The following LRMDA variants were observed in gnomAD, a reference collection of about 807,000 sequenced individuals.
LRMDA encodes the protein leucine-rich melanocyte differentiation-associated protein.
A neutral mutation model predicts 29.8 loss-of-function variants in LRMDA; 18 were observed. That is an observed-to-expected ratio of 0.60 (90% CI 0.42 to 0.90). The LOEUF is 0.90. Among genes scored for constraint, LRMDA ranks in the 40% least tolerant of loss-of-function variants. LRMDA has a pLI of 0.00. For missense variants in LRMDA, 273 were observed against 273.9 expected, an observed-to-expected ratio of 1.00 and a Z score of 0.02; for synonymous variants, 125 against 109.4, an observed-to-expected ratio of 1.14 and a Z score of -0.89.
chr10:76,057,250 A>G (rs531573507), intron 4 of LRMDA, among the ~76,000 whole-genome samples: 15 of 152,306 alleles, frequency 9.8e-5, no homozygotes, highest in African/African-American at 3.6e-4. Flanking sequence ...AGCTATGCTT[A>G]TTCCTAATTT....
chr10:75,916,756 G>A (rs1360194169), intron 2 of LRMDA, among the ~76,000 whole-genome samples: 2 of 152,194 alleles, frequency 1.3e-5, no homozygotes, highest in Middle Eastern at 3.2e-3. Flanking sequence ...GCGAAAACAC[G>A]CTGGTGATTA....
chr10:76,315,474 G>A (rs578228305), intron 5 of LRMDA, among the ~76,000 whole-genome samples: 1 of 152,350 alleles, frequency 6.6e-6, no homozygotes, highest in African/African-American at 2.4e-5. Flanking sequence ...CCACTCCAGT[G>A]CAGAGCAAAG....
chr10:76,463,824 C>T (rs1220236753), intron 6 of LRMDA, among the ~76,000 whole-genome samples: 14 of 151,896 alleles, frequency 9.2e-5, no homozygotes, highest in Non-Finnish European at 5.9e-5. Context: ...AGGATGTGAA[C>T]GCTGCAAGAG....
At chr10:76,524,051 G>C (rs1276332295) in intron 6 of LRMDA, among the ~76,000 whole-genome samples, 1 of 152,218 alleles carries the variant, frequency 6.6e-6, no homozygotes, top group African/African-American at 2.4e-5. Context: ...CCATTTAAAA[G>C]TTTAATCAAT....
chr10:76,165,048 C>T (rs1025675918), intron 5 of LRMDA, among the ~76,000 whole-genome samples: 4 of 152,254 alleles, frequency 2.6e-5, no homozygotes, highest in African/African-American at 9.6e-5. Flanking sequence ...TCTTGTTTCA[C>T]TGCAAACTCT....
At chr10:76,050,911 C>T (rs1350337807) in intron 4 of LRMDA, among the ~76,000 whole-genome samples, 1 of 152,232 alleles carries the variant, frequency 6.6e-6, no homozygotes, top group Non-Finnish European at 1.5e-5. Flanking sequence ...TCTTTTAGCT[C>T]TTCCTCTGTC....
rs536687042 is a variant in LRMDA, at chr10:76,557,359, C to T, written c.*71C>T. 37 of 1,304,736 alleles carry T rather than the reference C, an allele frequency of 2.8e-5. No homozygotes were observed. The highest frequency in any genetic ancestry group is 2.2e-4 in the African/African-American group (15 of 68,000). The allele number at this position is 1,304,736 out of a possible 1,614,324, so 80.8% of individuals were successfully genotyped here. A position where few individuals can be genotyped will look rare whatever the true frequency, so the allele number is the denominator to read the frequency against. ...AAAGGGAAATCAAAAATAAAGAAAACGCTAAAGAAAAAACAATAGCCCACA... is the reference window on the plus strand; with the variant it reads ...AAAGGGAAATCAAAAATAAAGAAAATGCTAAAGAAAAAACAATAGCCCACA... On this transcript the variant is annotated 3_prime_UTR_variant, in exon 7 of 7. Transcript: ENST00000611255.
intron 2 of LRMDA, among the ~76,000 whole-genome samples, chr10:75,531,079 G>A (rs937755190): frequency 3.3e-5 from 5 of 152,172 alleles, no homozygotes; most frequent in Non-Finnish European, 5.9e-5. Flanking sequence ...CTCTTTCACT[G>A]GGCATGTCTC....
intron 5 of LRMDA, among the ~76,000 whole-genome samples, chr10:76,175,257 G>A (rs1217164216): frequency 6.6e-6 from 1 of 152,218 alleles, no homozygotes; most frequent in Admixed American, 6.5e-5. Flanking sequence ...TTTAAGAGCT[G>A]TGGGTCTGGA....
intron 5 of LRMDA, among the ~76,000 whole-genome samples, chr10:76,263,198 CAAACTTGT>C (rs1839964820): frequency 6.6e-6 from 1 of 152,080 alleles, no homozygotes; most frequent in Non-Finnish European, 1.5e-5. Context: ...GATTCCAAGG[CAAACTTGT>C]TTCTGATGAA....
chr10:76,316,821 A>G (rs1437489655), intron 5 of LRMDA, among the ~76,000 whole-genome samples: 1 of 152,220 alleles, frequency 6.6e-6, no homozygotes, highest in East Asian at 1.9e-4. Context: ...TTTGTGCTCC[A>G]TCATACTTCT....
intron 2 of LRMDA, among the ~76,000 whole-genome samples, chr10:75,757,798 C>CTT (rs139801931): frequency 1.1e-4 from 16 of 140,032 alleles, no homozygotes; most frequent in Admixed American, 1.4e-4. Context: ...AATTTTCTTT[C>CTT]TTTTTTTTTT....
At chr10:76,347,575 A>G (rs1263341520) in intron 6 of LRMDA, among the ~76,000 whole-genome samples, 1 of 152,170 alleles carries the variant, frequency 6.6e-6, no homozygotes, top group Non-Finnish European at 1.5e-5. Flanking sequence ...ACATAATCCG[A>G]TGCAATTTTA....
chr10:75,711,919 A>C (rs1055350367), intron 2 of LRMDA, among the ~76,000 whole-genome samples: 3 of 149,240 alleles, frequency 2.0e-5, no homozygotes, highest in Non-Finnish European at 3.0e-5. Context: ...TTGAAGGTAA[A>C]ACACACACAC....
In LRMDA at chr10:75,664,634, G is replaced by A. The variant is rs141249547; in HGVS notation, c.131+226140G>A. 5.0e-3 allele frequency among the ~76,000 whole-genome samples: 767 copies of A among 152,274 alleles called. 4 individuals are homozygous for A. The highest frequency in any genetic ancestry group is 8.3e-3 in the Non-Finnish European group (567 of 68,030). ...GTCTACATGAAAAGGTGATTCCTAA[G>A]CTGGAGTTTGGAGGAAGAGTTGGAA... On this transcript the variant is annotated intron_variant, in intron 2 of 6. Transcript: ENST00000611255.
In LRMDA at chr10:75,782,666, G is replaced by A. The variant is rs867948805; in HGVS notation, c.132-253342G>A. 1.4e-5 allele frequency: 15 copies of A among 1,051,470 alleles called. No individual in the cohort carries two copies. In the East Asian group the frequency reaches 2.7e-4, roughly 19 times the overall value. 65.1% of individuals were successfully genotyped at this position (1,051,470 alleles called of 1,614,324 possible). A position where few individuals can be genotyped will look rare whatever the true frequency, so the allele number is the denominator to read the frequency against. ...GAGCTTCTTTTGACTTCTAGTCCTC[G>A]CTGCCGGTGCAGTTCCAAGTAGAGT... is the stretch of plus-strand genomic sequence containing the variant. On this transcript the variant is annotated intron_variant, in intron 2 of 6. Transcript: ENST00000611255.
rs914798489 is a variant in LRMDA, at chr10:76,074,631, C to T, written c.516+15848C>T. ...TAAGTCAGAGGAGGTTCTGGGGGACCGTGCTCACTAAAATGCCTGGAACCC... is the reference window on the plus strand; with the variant it reads ...TAAGTCAGAGGAGGTTCTGGGGGACTGTGCTCACTAAAATGCCTGGAACCC... On this transcript the variant is annotated intron_variant, in intron 5 of 6. Coordinates refer to ENST00000611255, the MANE Select transcript of LRMDA (RefSeq NM_001305581.2). Among the ~76,000 whole-genome samples, 7 of 152,218 alleles carry T rather than the reference C, an allele frequency of 4.6e-5. No individual in the cohort carries two copies. The South Asian group carries it at 8.3e-4, about 18-fold the overall frequency.
chr10:76,122,069 A>G (rs1183545906), intron 5 of LRMDA, among the ~76,000 whole-genome samples: 1 of 152,206 alleles, frequency 6.6e-6, no homozygotes, highest in Non-Finnish European at 1.5e-5. Flanking sequence ...TAGGATGATC[A>G]GAGATGGACT....
intron 2 of LRMDA, among the ~76,000 whole-genome samples, chr10:75,755,276 G>T (rs1589189070): frequency 6.6e-6 from 1 of 152,184 alleles, no homozygotes; most frequent in Admixed American, 6.5e-5. Context: ...GGTATGGTCA[G>T]CTTATGTAGT....
Sources: gnomAD v4.1 joint callset for allele counts (sites outside exome capture counted in the v4.1 genomes callset) on GRCh38, gnomAD v4.1.1 for gene constraint, MANE v1.5 for transcripts, NCBI Gene and HGNC (gene_info 2026-07-23, HGNC 2026-07-21) for gene names.